ATP6V0A4: variants seen among roughly 807,000 people sequenced by gnomAD.
ATP6V0A4 encodes ATPase H+ transporting V0 subunit a4.
In ATP6V0A4, 86 loss-of-function variants were observed where a neutral mutation model predicts 107.3. The ratio of observed to expected loss-of-function variants is 0.80; its 90% CI spans 0.67 to 0.96. The LOEUF (loss-of-function observed/expected upper bound fraction) is 0.96, where lower values mean the gene tolerates loss of function less well. Among genes scored for constraint, ATP6V0A4 ranks in the 40% least tolerant of loss-of-function variants. The probability of loss-of-function intolerance (pLI) is 0.00; values close to 1 mark genes in which losing one functional copy is unlikely to be tolerated. For synonymous variants in ATP6V0A4, 353 were observed against 381.4 expected, an observed-to-expected ratio of 0.93 and a Z score of 0.87; for missense variants, 908 against 1,045.6, an observed-to-expected ratio of 0.87 and a Z score of 1.81.
chr7:138,744,085 G>C (rs1397103329), intron 14 of ATP6V0A4, among the ~76,000 whole-genome samples: 1 of 152,090 alleles, frequency 6.6e-6, no homozygotes, highest in East Asian at 1.9e-4. Flanking sequence ...AATGCATAGG[G>C]GAAGGGTGGA....
At chr7:138,777,540 G>A (rs188132605) in intron 2 of ATP6V0A4, among the ~76,000 whole-genome samples, 2 of 150,906 alleles carry the variant, frequency 1.3e-5, no homozygotes, top group Non-Finnish European at 2.9e-5. Context: ...AGCTGAACCC[G>A]GAAGGAGGAG....
chr7:138,727,521 G>A lies in ATP6V0A4; in HGVS notation c.2010+1240C>T, dbSNP rs77316859. Among the ~76,000 whole-genome samples, 89 of 152,144 alleles carry A rather than the reference G, an allele frequency of 5.8e-4. 1 individual carries two copies. The East Asian group carries it at 0.014, about 24-fold the overall frequency. ...TTCAGCTAAGCTTTGGAACGAGTTC[G>A]GACTGGCATAAGGAGACAGTGGGAG... On this transcript the variant is annotated intron_variant, in intron 18 of 21. Coordinates refer to ENST00000310018, the MANE Select transcript of ATP6V0A4 (RefSeq NM_020632.3).
intron 2 of ATP6V0A4, among the ~76,000 whole-genome samples, chr7:138,777,599 G>A (rs1472106450): frequency 7.9e-6 from 1 of 126,638 alleles, no homozygotes; most frequent in African/African-American, 3.1e-5. Flanking sequence ...TGGGCAAAGA[G>A]AGGGAAACTC....
chr7:138,734,354 G>A (rs1805195644), intron 15 of ATP6V0A4, 100 bp from the exon 16 acceptor site: 1 of 1,566,138 alleles, frequency 6.4e-7, no homozygotes, highest in South Asian at 1.1e-5. Context: ...AAACCGCTCT[G>A]GGAACTGCAC....
chr7:138,737,228 G>A (rs1350412677), intron 15 of ATP6V0A4, among the ~76,000 whole-genome samples: 2 of 150,478 alleles, frequency 1.3e-5, no homozygotes, highest in East Asian at 2.0e-4. Flanking sequence ...TGCTGTGGGA[G>A]GAAGCTGGTG....
At position 138,776,873 on chromosome 7, in the gene ATP6V0A4, G is replaced by A. The variant is rs545452994; in HGVS notation, c.-17-5609C>T. 1.6e-3 allele frequency among the ~76,000 whole-genome samples: 241 copies of A among 152,238 alleles called. 2 individuals are homozygous for A. The highest frequency in any genetic ancestry group is 4.9e-4 in the Non-Finnish European group (33 of 68,020). On this transcript the variant is annotated intron_variant, in intron 2 of 21. Transcript: ENST00000310018. ...TAGAAAGTGGAAGTATAGGCTGGAC[G>A]CGGTGGCTCACGCCTGTAATCCCAG... is the stretch of plus-strand genomic sequence containing the variant.
Position 138,732,972 on chromosome 7 carries a change from C to T in ATP6V0A4, c.1813G>A (p.Val605Ile), listed in dbSNP as rs776966607. 5.6e-6 allele frequency: 9 copies of T among 1,613,374 alleles called. No homozygotes were observed. In the African/African-American group the frequency reaches 6.7e-5, roughly 12 times the overall value. Residue 605 changes from valine to isoleucine, a missense_variant, in exon 17 of 22, where the codon GTA becomes ATA. By Grantham distance (29) the Val-to-Ile change is conservative. Coordinates refer to ENST00000310018, the MANE Select transcript of ATP6V0A4 (RefSeq NM_020632.3). ...AGGATGCTGGGGGCGTGCTGAGATA[C>T]ATGGACGTCAAAGCAGCACCATTTG... ...IFKWCCFDVH[V>I]SQHAPSILIH...
intron 1 of ATP6V0A4, among the ~76,000 whole-genome samples, chr7:138,791,701 A>G (rs1345840735): frequency 1.3e-5 from 2 of 152,226 alleles, no homozygotes; most frequent in Non-Finnish European, 2.9e-5. Flanking sequence ...ATATCTGCCA[A>G]CCTTACATTT....
intron 19 of ATP6V0A4, among the ~76,000 whole-genome samples, chr7:138,718,489 C>G (rs1804236260): frequency 8.7e-6 from 1 of 115,530 alleles, no homozygotes; most frequent in Non-Finnish European, 1.7e-5. Context: ...AGGGTGCAGT[C>G]ACGGAGGTCT....
intron 17 of ATP6V0A4, among the ~76,000 whole-genome samples, chr7:138,731,442 TG>T (rs1805010238): frequency 6.6e-6 from 1 of 152,120 alleles, no homozygotes; most frequent in Admixed American, 6.5e-5. Context: ...CCTATAGAAA[TG>T]GGTCTTTTTT....
chr7:138,794,522 T>C (rs1332426602), intron 1 of ATP6V0A4, among the ~76,000 whole-genome samples: 3 of 152,138 alleles, frequency 2.0e-5, no homozygotes, highest in African/African-American at 7.2e-5. Context: ...ACAGGTGAAA[T>C]TGGAAGCAGT....
intron 21 of ATP6V0A4, among the ~76,000 whole-genome samples, chr7:138,707,400 TTA>T (rs1045092861): frequency 3.1e-5 from 3 of 95,598 alleles, no homozygotes; most frequent in Non-Finnish European, 1.9e-5. Flanking sequence ...AATAAATATA[TTA>T]TATATATATA....
At chr7:138,742,386 C>A (rs1805676098) in intron 14 of ATP6V0A4, among the ~76,000 whole-genome samples, 1 of 152,060 alleles carries the variant, frequency 6.6e-6, no homozygotes, top group Non-Finnish European at 1.5e-5. Flanking sequence ...AAAATCGCAC[C>A]ATTGCACTCC....
At chr7:138,728,706 C>A in intron 18 of ATP6V0A4, 55 bp downstream of exon 18, 1 of 1,610,802 alleles carries the variant, frequency 6.2e-7, no homozygotes, top group East Asian at 2.2e-5. Context: ...ATTCATCTTT[C>A]CAGAAACCCA....
rs139575816 is a variant in ATP6V0A4, at chr7:138,718,105, G to GAGTAGC, written c.2140-2225_2140-2224insGCTACT. Among the ~76,000 whole-genome samples the GAGTAGC allele has an allele frequency of 1.7e-3, 65 of 38,906 alleles. 3 individuals carry two copies. Among genetic ancestry groups the GAGTAGC allele is most frequent in the East Asian group, 2.5e-3 (3 of 1,214 alleles). 25.5% of individuals were successfully genotyped at this position (38,906 alleles called of 152,430 possible). On this transcript the variant is annotated intron_variant, in intron 19 of 21. Coordinates refer to ENST00000310018, the MANE Select transcript of ATP6V0A4 (RefSeq NM_020632.3). ...ACGTCCAGGAAGGAATGGGGGGCGGGGGTGCAGTCACGGATGTCTGCAGAG... is the reference window on the plus strand; with the variant it reads ...ACGTCCAGGAAGGAATGGGGGGCGGGAGTAGCGGTGCAGTCACGGATGTCTGCAGAG...
chr7:138,732,792 T>C (rs1468873557), intron 17 of ATP6V0A4, 85 bp downstream of exon 17: 11 of 1,256,416 alleles, frequency 8.8e-6, no homozygotes, highest in Non-Finnish European at 1.2e-5. Context: ...AGACTCTTTC[T>C]CAAAAAAAAA....
chr7:138,743,201 T>C (rs1805722712), intron 14 of ATP6V0A4, among the ~76,000 whole-genome samples: 1 of 152,048 alleles, frequency 6.6e-6, no homozygotes. Context: ...CTCATGCCTG[T>C]AATCCTAGCA....
intron 15 of ATP6V0A4, among the ~76,000 whole-genome samples, chr7:138,737,563 T>C (rs1805402760): frequency 6.9e-6 from 1 of 144,118 alleles, no homozygotes; most frequent in African/African-American, 2.6e-5. Flanking sequence ...GAAAGGCAAC[T>C]CCCGCTTTTC....
chr7:138,728,891 C>G, intron 17 of ATP6V0A4, 29 bp from the exon 18 acceptor site: 1 of 1,613,848 alleles, frequency 6.2e-7, no homozygotes, highest in East Asian at 2.2e-5. Context: ...GAGATCTCAT[C>G]ATTTTCACAT....
Sources: gnomAD v4.1 joint callset for allele counts (sites outside exome capture counted in the v4.1 genomes callset) on GRCh38, gnomAD v4.1.1 for gene constraint, MANE v1.5 for transcripts, NCBI Gene and HGNC (gene_info 2026-07-23, HGNC 2026-07-21) for gene names.